Variants in CDKN1C observed in about 807,000 individuals in gnomAD.
CDKN1C encodes cyclin-dependent kinase inhibitor 1C.
CDKN1C carries 7 observed loss-of-function variants against 16.5 expected under a neutral mutation model. That is an observed-to-expected ratio of 0.42 (90% confidence interval 0.24 to 0.80). The LOEUF is 0.80. Among genes scored for constraint, CDKN1C ranks in the 30% least tolerant of loss-of-function variants. The probability of loss-of-function intolerance (pLI) is 0.26; values close to 1 mark genes in which losing one functional copy is unlikely to be tolerated. For missense variants in CDKN1C, 429 were observed against 437.3 expected (o/e 0.98, Z 0.17); for synonymous variants, 288 against 214.4 (o/e 1.34, Z -3.00).
chr11:2,884,202 G>A (rs1848888227), intron 2 of CDKN1C, 68 bp from the exon 3 acceptor site: 2 of 1,199,898 alleles, frequency 1.7e-6, no homozygotes, highest in Non-Finnish European at 2.1e-6. Context: ...GGGGCCGGGA[G>A]AGGGCGCGGG....
In CDKN1C at chr11:2,885,427, G is replaced by A; in HGVS notation, c.30C>T (p.Phe10=). Residue 10 remains phenylalanine (F), a synonymous_variant, in exon 2 of 4, where the codon TTC becomes TTT. Coordinates refer to ENST00000440480, the MANE Select transcript of CDKN1C (RefSeq NM_001122630.2). The part of the protein sequence containing the change: MERLVARGT[F]PVLVRTSACR... ...AGGCGCTGGTGCGCACTAGTACTGG[G>A]AAGGTCCCACGGGCGACAAGACGCT... The A allele has an allele frequency of 6.4e-7, 1 of 1,550,510 alleles. No individual in the cohort carries two copies.
At position 2,883,705 on chromosome 11, in the gene CDKN1C, G is replaced by C; in HGVS notation, c.*216C>G. Reference sequence around the variant, plus strand: ...TGACTCTTAAAGCTTTACACCTTGGGACCAGTGTACCTTCTCGTGCAGAAT... The same window carrying C: ...TGACTCTTAAAGCTTTACACCTTGGCACCAGTGTACCTTCTCGTGCAGAAT... On this transcript the variant is annotated 3_prime_UTR_variant, in exon 4 of 4. Transcript: ENST00000440480. 1 of 1,186,044 alleles carries C rather than the reference G, an allele frequency of 8.4e-7. No homozygotes were observed. The highest frequency in any genetic ancestry group is 1.9e-5 in the South Asian group (1 of 53,118). 73.5% of individuals were successfully genotyped at this position (1,186,044 alleles called of 1,614,324 possible).
Position 2,885,444 on chromosome 11 carries a change from C to T in CDKN1C, c.13G>A (p.Val5Ile). The change falls in exon 2 of 4, where the codon GTC becomes ATC. Residue 5 changes from valine to isoleucine, a missense_variant. Coordinates refer to ENST00000440480, the MANE Select transcript of CDKN1C (RefSeq NM_001122630.2). ...AGTACTGGGAAGGTCCCACGGGCGACAAGACGCTCCATCGTGGATGTGCTG... is the reference window on the plus strand; with the variant it reads ...AGTACTGGGAAGGTCCCACGGGCGATAAGACGCTCCATCGTGGATGTGCTG... The part of the protein sequence containing the change: MERL[V>I]ARGTFPVLVR... 8 of 1,546,986 alleles carry T rather than the reference C, an allele frequency of 5.2e-6. No homozygotes were observed. The highest frequency in any genetic ancestry group is 7.0e-6 in the Non-Finnish European group (8 of 1,147,990).
In CDKN1C at chr11:2,883,840, G is replaced by T. The variant is rs1462266258; in HGVS notation, c.*81C>A. 12 of 1,538,208 alleles carry T rather than the reference G, an allele frequency of 7.8e-6. No homozygotes were observed. The highest frequency in any genetic ancestry group is 1.4e-5 in the African/African-American group (1 of 72,188). On this transcript the variant is annotated 3_prime_UTR_variant, in exon 4 of 4. Transcript: ENST00000440480. Reference sequence around the variant, plus strand: ...CGCCGCCGGTTGCTGCTACATGAACGGTCCCAGCCGAGGCCCAGCGCCCTT... The same window carrying T: ...CGCCGCCGGTTGCTGCTACATGAACTGTCCCAGCCGAGGCCCAGCGCCCTT...
In CDKN1C at chr11:2,884,906, A is replaced by G. The variant is rs1261515352; in HGVS notation, c.551T>C (p.Val184Ala). 53 of 780,860 alleles carry G rather than the reference A, an allele frequency of 6.8e-5. No homozygotes were observed. In the South Asian group the frequency reaches 7.7e-4, roughly 11 times the overall value. The allele number at this position is 780,860 out of a possible 1,614,324, so 48.4% of individuals were successfully genotyped here. ...GGCCGGGGCTGGGGCCGGGGCCGCG[A>G]CTGGAGCCGGGGCCGGAGCCGGAGC... is the stretch of plus-strand genomic sequence containing the variant. ...APAPAPAPAP[V>A]AAPAPAPAPA... Residue 184 changes from valine to alanine, a missense_variant, in exon 2 of 4, where the codon GTC (valine) becomes GCC (alanine). Coordinates refer to ENST00000440480, the MANE Select transcript of CDKN1C (RefSeq NM_001122630.2).
In CDKN1C at chr11:2,885,186, G is replaced by GGC. The variant is rs1717086091; in HGVS notation, c.269_270dup (p.Leu91AlafsTer171). On this transcript the variant is annotated frameshift_variant, in exon 2 of 4. Transcript: ENST00000440480. LOFTEE classifies it high-confidence loss of function. ...GCGACGGGCCGCGGCGCCAGCAGCA[G>GGC]GCGGCAGCGCCCCACCTGCACCGTC... 6.5e-7 allele frequency: 1 copy of GGC among 1,531,924 alleles called. No homozygotes were observed. The highest frequency in any genetic ancestry group is 8.7e-7 in the Non-Finnish European group (1 of 1,143,878). The allele number at this position is 1,531,924 out of a possible 1,614,324, so 94.9% of individuals were successfully genotyped here. A position where few individuals can be genotyped will look rare whatever the true frequency, so the allele number is the denominator to read the frequency against.
chr11:2,884,463 C>T, intron 2 of CDKN1C: 1 of 317,638 alleles, frequency 3.1e-6, no homozygotes, highest in East Asian at 4.9e-5. Context: ...GGGATTCAGC[C>T]TCCCACCCCG....
Position 2,885,774 on chromosome 11 carries a change from G to A in CDKN1C, c.-151C>T, listed in dbSNP as rs1590152457. 2 of 537,284 alleles carry A rather than the reference G, an allele frequency of 3.7e-6. No individual in the cohort carries two copies. Among genetic ancestry groups the A allele is most frequent in the East Asian group, 3.3e-5 (1 of 30,694 alleles). The allele number at this position is 537,284 out of a possible 1,614,324, so 33.3% of individuals were successfully genotyped here. On this transcript the variant is annotated 5_prime_UTR_variant, in exon 1 of 4. Coordinates refer to ENST00000440480, the MANE Select transcript of CDKN1C (RefSeq NM_001122630.2). ...CTCGAGCACAGCGCACTTGGCCTGT[G>A]GAACGCCCAGCCCGCCTGCGCCCCC...
Position 2,884,840 on chromosome 11 carries a change from TCCGGGGCCGGGGCCGGGGCGGGGG to T in CDKN1C, c.593_616del (p.Ala198_Pro205del), listed in dbSNP as rs778468310. On this transcript the variant is annotated inframe_deletion, in exon 2 of 4. Transcript: ENST00000440480. ...CTCGGCGCTCTCTTGAGGCGCCGCG[TCCGGGGCCGGGGCCGGGGCGGGGG>T]CCGGGGCCGGGGCCGGGGCCGGGGC... 5.8e-5 allele frequency: 66 copies of T among 1,129,160 alleles called. No individual in the cohort carries two copies. The highest frequency in any genetic ancestry group is 9.1e-5 in the East Asian group (2 of 21,982). The allele number at this position is 1,129,160 out of a possible 1,614,324, so 69.9% of individuals were successfully genotyped here.
In CDKN1C at chr11:2,884,859, C is replaced by G. The variant is rs1060500178; in HGVS notation, c.598G>C (p.Ala200Pro). The change falls in exon 2 of 4, where the codon GCC becomes CCC. Residue 200 changes from alanine to proline, a missense_variant. Transcript: ENST00000440480. ...GCCGCGTCCGGGGCCGGGGCCGGGG[C>G]GGGGGCCGGGGCCGGGGCCGGGGCC... is the stretch of plus-strand genomic sequence containing the variant. Reference protein sequence around the residue: ...APAPAPAPAPAPAPAPDAAPQ... With the variant: ...APAPAPAPAPPPAPAPDAAPQ... 9.7e-7 allele frequency: 1 copy of G among 1,026,552 alleles called. No individual in the cohort carries two copies. The highest frequency in any genetic ancestry group is 1.2e-6 in the Non-Finnish European group (1 of 846,630). The allele number at this position is 1,026,552 out of a possible 1,614,324, so 63.6% of individuals were successfully genotyped here. A position where few individuals can be genotyped will look rare whatever the true frequency, so the allele number is the denominator to read the frequency against.
Position 2,885,719 on chromosome 11 carries a change from A to AGCTC in CDKN1C, c.-100_-97dup, listed in dbSNP as rs1848995109. On this transcript the variant is annotated 5_prime_UTR_variant, in exon 1 of 4. Coordinates refer to ENST00000440480, the MANE Select transcript of CDKN1C (RefSeq NM_001122630.2). ...CGCGCCCCCTCGATGCCTGCTGGCT[A>AGCTC]GCTCGCTCGCTCAGGCCTGGCCGGC... is the stretch of plus-strand genomic sequence containing the variant. The AGCTC allele has an allele frequency of 5.0e-6, 3 of 602,348 alleles. No individual in the cohort carries two copies. The highest frequency in any genetic ancestry group is 2.8e-5 in the East Asian group (1 of 35,762). The allele number at this position is 602,348 out of a possible 1,614,324, so 37.3% of individuals were successfully genotyped here. A position where few individuals can be genotyped will look rare whatever the true frequency, so the allele number is the denominator to read the frequency against.
At position 2,883,845 on chromosome 11, in the gene CDKN1C, C is replaced by T; in HGVS notation, c.*76G>A. The T allele has an allele frequency of 6.5e-7, 1 of 1,545,354 alleles. No individual in the cohort carries two copies. The highest frequency in any genetic ancestry group is 8.7e-7 in the Non-Finnish European group (1 of 1,146,542). On this transcript the variant is annotated 3_prime_UTR_variant, in exon 4 of 4. Coordinates refer to ENST00000440480, the MANE Select transcript of CDKN1C (RefSeq NM_001122630.2). Reference sequence around the variant, plus strand: ...CCGGTTGCTGCTACATGAACGGTCCCAGCCGAGGCCCAGCGCCCTTCCAAC... The same window carrying T: ...CCGGTTGCTGCTACATGAACGGTCCTAGCCGAGGCCCAGCGCCCTTCCAAC...
intron 3 of CDKN1C, 41 bp downstream of exon 3, chr11:2,883,958 C>A (rs1207529725): frequency 3.2e-6 from 5 of 1,566,594 alleles, no homozygotes; most frequent in Non-Finnish European, 4.3e-6. Flanking sequence ...GGGGACCCGG[C>A]GGGTCGGCCC....
chr11:2,884,420 G>T, intron 2 of CDKN1C: 1 of 260,970 alleles, frequency 3.8e-6, no homozygotes, highest in Non-Finnish European at 7.1e-6. Context: ...CCGCGGCCGG[G>T]GGCGAAAACT....
Position 2,885,149 on chromosome 11 carries a change from G to A in CDKN1C, c.308C>T (p.Ala103Val), listed in dbSNP as rs1486019596. 1 of 1,520,006 alleles carries A rather than the reference G, an allele frequency of 6.6e-7. No homozygotes were observed. The highest frequency in any genetic ancestry group is 8.8e-7 in the Non-Finnish European group (1 of 1,140,214). 94.2% of individuals were successfully genotyped at this position (1,520,006 alleles called of 1,614,324 possible). Residue 103 changes from alanine to valine, a missense_variant, in exon 2 of 4, where the codon GCT becomes GTT. By Grantham distance (64) the Ala-to-Val change is moderately conservative. Transcript: ENST00000440480. ...GGCCGGCTCGAGGGGCGGGCTGACA[G>A]CCACCGCGACCGCGACGGGCCGCGG... is the stretch of plus-strand genomic sequence containing the variant. Reference protein sequence around the residue: ...LAPRPVAVAVAVSPPLEPAAE... With the variant: ...LAPRPVAVAVVVSPPLEPAAE...
chr11:2,884,567 G>C (rs1016927638), intron 2 of CDKN1C, 103 bp downstream of exon 2: 4 of 614,046 alleles, frequency 6.5e-6, no homozygotes, highest in Non-Finnish European at 9.3e-6. Context: ...TTAATGCCAC[G>C]GGAGGAGGCG....
At chr11:2,884,402 A>C in intron 2 of CDKN1C, 15 of 223,770 alleles carry the variant, frequency 6.7e-5, no homozygotes, top group East Asian at 9.4e-5. Context: ...GCGCCCGGGG[A>C]GGGGCTCCCG....
In CDKN1C at chr11:2,885,641, T is replaced by G. The variant is rs1271754883; in HGVS notation, c.-18A>C. 2.1e-6 allele frequency: 2 copies of G among 940,402 alleles called. No individual in the cohort carries two copies. The highest frequency in any genetic ancestry group is 3.2e-6 in the Non-Finnish European group (2 of 630,426). 58.3% of individuals were successfully genotyped at this position (940,402 alleles called of 1,614,324 possible). A position where few individuals can be genotyped will look rare whatever the true frequency, so the allele number is the denominator to read the frequency against. The stretch of plus-strand genomic sequence containing the variant: ...GAGGGACGCGGCGGCTACCTGGCTG[T>G]CCGGTGGTGGACTCTTCTGCGTCGG... On this transcript the variant is annotated 5_prime_UTR_variant, in exon 1 of 4. Coordinates refer to ENST00000440480, the MANE Select transcript of CDKN1C (RefSeq NM_001122630.2).
At position 2,885,172 on chromosome 11, in the gene CDKN1C, C is replaced by T; in HGVS notation, c.285G>A (p.Pro95=). 6.5e-7 allele frequency: 1 copy of T among 1,527,950 alleles called. No homozygotes were observed. The highest frequency in any genetic ancestry group is 2.0e-5 in the Admixed American group (1 of 50,420). 94.6% of individuals were successfully genotyped at this position (1,527,950 alleles called of 1,614,324 possible). Residue 95 remains proline (P), a synonymous_variant, in exon 2 of 4, where the codon CCG becomes CCA. Coordinates refer to ENST00000440480, the MANE Select transcript of CDKN1C (RefSeq NM_001122630.2). ...CAGCCACCGCGACCGCGACGGGCCG[C>T]GGCGCCAGCAGCAGGCGGCAGCGCC... ...QVGRCRLLLA[P]RPVAVAVAVS...
Sources: gnomAD v4.1 joint callset for allele counts on GRCh38, gnomAD v4.1.1 for gene constraint, MANE v1.5 for transcripts, NCBI Gene and HGNC (gene_info 2026-07-23, HGNC 2026-07-21) for gene names.